UFD1: variants seen among roughly 807,000 people sequenced by gnomAD.
UFD1 encodes ubiquitin recognition factor in ER-associated degradation protein 1.
In UFD1, 13 loss-of-function variants were observed where a neutral mutation model predicts 45.9. The observed-to-expected ratio is 0.28, with a 90% confidence interval of 0.18 to 0.45. The LOEUF (loss-of-function observed/expected upper bound fraction) is 0.45. UFD1 is among the 20% of genes least tolerant of loss of function. UFD1 has a pLI of 1.00. For missense variants in UFD1, 218 were observed against 389.2 expected, an observed-to-expected ratio of 0.56 and a Z score of 3.70; for synonymous variants, 128 against 139.2, an observed-to-expected ratio of 0.92 and a Z score of 0.56.
chr22:19,471,110 C>T (rs376137317), intron 4 of UFD1: 4 of 457,638 alleles, frequency 8.7e-6, no homozygotes, highest in East Asian at 1.4e-4. Flanking sequence ...CTGCTCACTT[C>T]TCTGAGGGGT....
At chr22:19,476,428 T>A (rs1319170177) in intron 1 of UFD1, among the ~76,000 whole-genome samples, 1 of 152,158 alleles carries the variant, frequency 6.6e-6, no homozygotes, top group Admixed American at 6.5e-5. Flanking sequence ...TACACTATGT[T>A]ATGATGCTTT....
intron 6 of UFD1, among the ~76,000 whole-genome samples, chr22:19,462,053 G>A (rs1462239203): frequency 6.6e-6 from 1 of 152,082 alleles, no homozygotes; most frequent in Admixed American, 6.5e-5. Context: ...AGGCTAGAGT[G>A]CAGTGGCACG....
intron 1 of UFD1, chr22:19,478,837 C>A (rs547787049): frequency 3.7e-6 from 2 of 534,026 alleles, no homozygotes; most frequent in East Asian, 6.7e-5. Flanking sequence ...TCCTTTCTTT[C>A]GTCAAGGAGG....
chr22:19,475,154 C>A (rs959777777), intron 2 of UFD1, 54 bp from the exon 3 acceptor site: 7 of 1,545,234 alleles, frequency 4.5e-6, no homozygotes, highest in Non-Finnish European at 6.1e-6. Flanking sequence ...AAGGACAGAC[C>A]AAAGGCAAGA....
At chr22:19,474,267 G>A (rs1427846539) in intron 3 of UFD1, among the ~76,000 whole-genome samples, 2 of 152,052 alleles carry the variant, frequency 1.3e-5, no homozygotes, top group African/African-American at 4.8e-5. Flanking sequence ...GGTCTGGGCC[G>A]GGCATGGTGG....
intron 3 of UFD1, among the ~76,000 whole-genome samples, chr22:19,472,218 G>C (rs2089851738): frequency 6.6e-6 from 1 of 152,184 alleles, no homozygotes. Context: ...TACTGGGCTA[G>C]GCTCCTAGAG....
At position 19,454,021 on chromosome 22, in the gene UFD1, C is replaced by G. The variant is rs891143286; in HGVS notation, c.849+728G>C. 3.0e-6 allele frequency: 3 copies of G among 985,550 alleles called. No homozygotes were observed. The African/African-American group carries it at 5.2e-5, about 17-fold the overall frequency. The allele number at this position is 985,550 out of a possible 1,614,324, so 61.1% of individuals were successfully genotyped here. A position where few individuals can be genotyped will look rare whatever the true frequency, so the allele number is the denominator to read the frequency against. ...ACAAAGTGCCCATGTCTACAGGATG[C>G]TCAGCCCTTGCCTTCCTCTGTCCCG... On this transcript the variant is annotated intron_variant, in intron 11 of 11. Coordinates refer to ENST00000263202, the MANE Select transcript of UFD1 (RefSeq NM_005659.7).
chr22:19,475,423 G>A (rs1362159559), intron 2 of UFD1, 47 bp downstream of exon 2: 1 of 1,610,808 alleles, frequency 6.2e-7, no homozygotes, highest in Non-Finnish European at 8.5e-7. Context: ...CAGCATTGCA[G>A]ACTTAGGGCA....
In UFD1 at chr22:19,450,108, A is replaced by G. The variant is rs1434054515; in HGVS notation, c.*562T>C. Reference sequence around the variant, plus strand: ...ATAAAAGTGCAAACTCATTCAGATCAGGTTCTTCTGAGTGGTGTTTTTGAA... The same window carrying G: ...ATAAAAGTGCAAACTCATTCAGATCGGGTTCTTCTGAGTGGTGTTTTTGAA... On this transcript the variant is annotated 3_prime_UTR_variant, in exon 12 of 12. Transcript: ENST00000263202. The G allele has an allele frequency of 1.3e-5, 2 of 152,684 alleles. No individual in the cohort carries two copies. The highest frequency in any genetic ancestry group is 2.1e-4 in the South Asian group (1 of 4,866). The allele number at this position is 152,684 out of a possible 1,614,324, so 9.5% of individuals were successfully genotyped here.
At chr22:19,470,983 T>A (rs1044761309) in intron 4 of UFD1, among the ~76,000 whole-genome samples, 3 of 152,148 alleles carry the variant, frequency 2.0e-5, no homozygotes, top group Admixed American at 6.5e-5. Context: ...TTTGTGAACT[T>A]CCCTAATGTG....
At chr22:19,469,833 G>A in intron 4 of UFD1, 1 of 465,738 alleles carries the variant, frequency 2.1e-6, no homozygotes, top group Non-Finnish European at 4.3e-6. Flanking sequence ...CCAGCTCCAG[G>A]CTACCTAAAG....
intron 6 of UFD1, among the ~76,000 whole-genome samples, chr22:19,462,207 C>A (rs958613283): frequency 8.6e-5 from 13 of 151,970 alleles, no homozygotes; most frequent in Non-Finnish European, 2.9e-5. Context: ...GCCATGTTGC[C>A]CAGTCTGGTC....
Position 19,450,677 on chromosome 22 carries a change from T to C in UFD1, c.917A>G (p.Lys306Arg). Residue 306 changes from lysine (K) to arginine (R), a missense_variant, in exon 12 of 12, where the codon AAG (lysine) becomes AGG (arginine). This residue lies in a region of UFD1 where 69 missense variants were observed against 81.7 expected (regional missense o/e 0.84). Transcript: ENST00000263202. ...TCAGCCAACAGTCCTCACTTAGGGC[T>C]TTCTTCCCTTTTTACGCAATGACTG... ...EGQSLRKKGR[K>R]P 1 of 1,614,204 alleles carries C rather than the reference T, an allele frequency of 6.2e-7. No homozygotes were observed. The highest frequency in any genetic ancestry group is 8.5e-7 in the Non-Finnish European group (1 of 1,180,036).
intron 4 of UFD1, 76 bp from the exon 5 acceptor site, chr22:19,468,079 G>A: frequency 1.9e-6 from 3 of 1,562,178 alleles, no homozygotes; most frequent in South Asian, 2.4e-5. Flanking sequence ...TATACACTGG[G>A]CAGGCCCGTC....
intron 6 of UFD1, among the ~76,000 whole-genome samples, chr22:19,460,622 C>T (rs553530235): frequency 6.6e-5 from 10 of 152,010 alleles, no homozygotes; most frequent in African/African-American, 1.2e-4. Flanking sequence ...ACACACCAGA[C>T]GCCCAGAGCT....
chr22:19,467,953 G>A lies in UFD1; in HGVS notation c.342C>T (p.Ser114=), dbSNP rs770511290. 112 of 1,614,038 alleles carry A rather than the reference G, an allele frequency of 6.9e-5. No individual in the cohort carries two copies. The highest frequency in any genetic ancestry group is 8.9e-5 in the East Asian group (4 of 44,882). The part of the protein sequence containing the change: ...LEEGGLVQVE[S]VNLQVATYSK... ...AGTAGGTGGCCACTTGAAGGTTGAC[G>A]CTCTCCACCTGGACCAGGCCGCCTT... Residue 114 remains serine (S), a synonymous_variant, in exon 5 of 12, where the codon AGC becomes AGT. Transcript: ENST00000263202.
chr22:19,454,320 C>A, intron 11 of UFD1: 1 of 1,009,350 alleles, frequency 9.9e-7, no homozygotes, highest in South Asian at 4.0e-5. Flanking sequence ...TGCGTCCCCA[C>A]CCAAATCTCA....
intron 11 of UFD1, chr22:19,451,643 C>G (rs1302386281): frequency 1.0e-6 from 1 of 985,342 alleles, no homozygotes; most frequent in African/African-American, 1.7e-5. Context: ...ACCTGGCTCC[C>G]CACTAACTGT....
At chr22:19,468,974 C>T (rs535853566) in intron 4 of UFD1, among the ~76,000 whole-genome samples, 4 of 152,250 alleles carry the variant, frequency 2.6e-5, no homozygotes, top group Admixed American at 1.3e-4. Context: ...ATGCTGAGGC[C>T]GAGGCTGTGC....
Sources: gnomAD v4.1 joint callset for allele counts (sites outside exome capture counted in the v4.1 genomes callset) on GRCh38, gnomAD v4.1.1 for gene constraint, gnomAD v4.1.1 regional missense constraint, MANE v1.5 for transcripts, NCBI Gene and HGNC (gene_info 2026-07-23, HGNC 2026-07-21) for gene names.